NINL: variants seen among roughly 807,000 people sequenced by gnomAD.
NINL encodes ninein-like protein.
Under a neutral mutation model 160.3 loss-of-function variants are expected in NINL, and 153 were observed. The observed-to-expected ratio is 0.95, with a 90% CI of 0.84 to 1.09. NINL has a LOEUF of 1.09. Ranked by LOEUF, NINL falls within the 50% of genes least tolerant of loss-of-function variation. The pLI is 0.00. For synonymous variants in NINL, 800 were observed against 734.8 expected (o/e 1.09, Z -1.43); for missense variants, 1,829 against 1,764.0 (o/e 1.04, Z -0.66).
At chr20:25,468,089 A>C (rs891964690) in intron 18 of NINL, among the ~76,000 whole-genome samples, 3 of 152,118 alleles carry the variant, frequency 2.0e-5, no homozygotes, top group African/African-American at 7.2e-5. Context: ...AAAAAGGCCA[A>C]ACAATTGTCC....
chr20:25,460,091 C>T (rs543649611), intron 21 of NINL, among the ~76,000 whole-genome samples: 1 of 152,280 alleles, frequency 6.6e-6, no homozygotes, highest in East Asian at 1.9e-4. Context: ...AGCTCCTCTA[C>T]GAGGCCCCAT....
intron 1 of NINL, among the ~76,000 whole-genome samples, chr20:25,575,864 A>G (rs1364000676): frequency 1.3e-5 from 2 of 151,760 alleles, no homozygotes; most frequent in Non-Finnish European, 2.9e-5. Context: ...TACCACAACC[A>G]TTTTGTCATT....
In NINL at chr20:25,479,100, T is replaced by A. The variant is rs772725476; in HGVS notation, c.2024A>T (p.Gln675Leu). 2 of 1,613,728 alleles carry A rather than the reference T, an allele frequency of 1.2e-6. No individual in the cohort carries two copies. Among genetic ancestry groups the A allele is most frequent in the South Asian group, 1.1e-5 (1 of 91,090 alleles). ...RRREVSVLEG[Q>L]KADLEELHEK... ...GTGGAGCTCCTCCAGGTCGGCCTTCTGACCCTCCAGCACGCTGACCTCGCG... is the reference window on the plus strand; with the variant it reads ...GTGGAGCTCCTCCAGGTCGGCCTTCAGACCCTCCAGCACGCTGACCTCGCG... The change falls in exon 16 of 24, where the codon CAG becomes CTG. Residue 675 changes from glutamine to leucine, a missense_variant. Transcript: ENST00000278886.
chr20:25,582,221 C>T (rs1173207353), intron 1 of NINL, among the ~76,000 whole-genome samples: 1 of 152,154 alleles, frequency 6.6e-6, no homozygotes, highest in Non-Finnish European at 1.5e-5. Context: ...CGCCACTGCA[C>T]TCCAGCCTGG....
chr20:25,517,659 G>T, intron 3 of NINL, 94 bp downstream of exon 3: 1 of 960,300 alleles, frequency 1.0e-6, no homozygotes, highest in Non-Finnish European at 1.5e-6. Flanking sequence ...GTAGAATTCA[G>T]TTTTCAGAAC....
At chr20:25,470,165 CA>C in intron 17 of NINL, 70 bp from the exon 18 acceptor site, 1 of 1,239,484 alleles carries the variant, frequency 8.1e-7, no homozygotes, top group African/African-American at 1.5e-5. Flanking sequence ...GCTGGCTCTG[CA>C]GCGGGGAGTC....
At chr20:25,499,196 G>C (rs1022041469) in intron 8 of NINL, 7 of 985,368 alleles carry the variant, frequency 7.1e-6, no homozygotes, top group Non-Finnish European at 8.4e-6. Flanking sequence ...TGGCATCTTG[G>C]GAGAGGCTGG....
intron 22 of NINL, 67 bp downstream of exon 22, chr20:25,458,316 G>A (rs6138575): frequency 0.44 from 690,663 of 1,583,338 alleles, 159,281 homozygotes; most frequent in East Asian, 0.91. Context: ...GGGTAACTGA[G>A]GACCGGTGGG....
intron 11 of NINL, 58 bp from the exon 12 acceptor site, chr20:25,490,043 A>AGGATGGAGGTG (rs1173694052): frequency 1.3e-5 from 19 of 1,454,320 alleles, no homozygotes; most frequent in Non-Finnish European, 1.7e-5. Context: ...GGATGTGTGC[A>AGGATGGAGGTG]GGATGGAGGT....
intron 8 of NINL, chr20:25,499,074 A>C: frequency 2.0e-6 from 2 of 985,450 alleles, no homozygotes; most frequent in Non-Finnish European, 2.4e-6. Context: ...GGCGGCAGGC[A>C]CCATGGCAGG....
At chr20:25,467,562 A>G (rs1405145781) in intron 18 of NINL, 104 bp from the exon 19 acceptor site, 2 of 852,918 alleles carry the variant, frequency 2.3e-6, no homozygotes. Flanking sequence ...TTGTAGCCAC[A>G]GCAGAGACGC....
rs140584951 is a variant in NINL, at chr20:25,476,043, C to T, written c.3248G>A (p.Arg1083Lys). Reference protein sequence around the residue: ...EKHVDLRENDRLEFHRLSEEN... With the variant: ...EKHVDLRENDKLEFHRLSEEN... ...TTTTAAGAATGAGTAGAAGGCAAAC[C>T]TGTCGTTCTCTCTCAAATCTACATG... Residue 1083 changes from arginine to lysine, a missense_variant and splice_region_variant, in exon 17 of 24, where the codon AGA (arginine) becomes AAA (lysine). By Grantham distance (26) the Arg-to-Lys change is conservative. Transcript: ENST00000278886. 6.8e-6 allele frequency: 11 copies of T among 1,612,084 alleles called. No homozygotes were observed. In the African/African-American group the frequency reaches 1.5e-4, roughly 22 times the overall value.
intron 2 of NINL, among the ~76,000 whole-genome samples, chr20:25,525,497 T>C (rs1459837017): frequency 2.0e-5 from 3 of 151,426 alleles, no homozygotes; most frequent in Non-Finnish European, 2.9e-5. Context: ...ACAAAAAAAA[T>C]ACAAAAATTA....
chr20:25,575,763 AC>A (rs2065108461), intron 1 of NINL, among the ~76,000 whole-genome samples: 1 of 105,090 alleles, frequency 9.5e-6, no homozygotes, highest in African/African-American at 4.1e-5. Flanking sequence ...ACACAAAACA[AC>A]AAAAAAAAAA....
intron 1 of NINL, among the ~76,000 whole-genome samples, chr20:25,578,516 G>T (rs2065140480): frequency 6.6e-6 from 1 of 152,078 alleles, no homozygotes; most frequent in Non-Finnish European, 1.5e-5. Flanking sequence ...TTGATTAGCT[G>T]GGCGCAGTGG....
At chr20:25,554,469 T>A (rs1362756285) in intron 1 of NINL, among the ~76,000 whole-genome samples, 2 of 151,992 alleles carry the variant, frequency 1.3e-5, no homozygotes, top group Non-Finnish European at 2.9e-5. Context: ...TACTGGAGTT[T>A]AAGGATCACA....
Position 25,452,753 on chromosome 20 carries a change from G to C in NINL, c.*698C>G, listed in dbSNP as rs768298217. The stretch of plus-strand genomic sequence containing the variant: ...TACAGTGACTTTTTATATTACAGTA[G>C]TACATTCCAATCAGCCATATGGCCA... On this transcript the variant is annotated 3_prime_UTR_variant, in exon 24 of 24. Coordinates refer to ENST00000278886, the MANE Select transcript of NINL (RefSeq NM_025176.6). 11 of 151,226 alleles carry C rather than the reference G, an allele frequency of 7.3e-5. No homozygotes were observed. Among genetic ancestry groups the C allele is most frequent in the Non-Finnish European group, 8.8e-5 (6 of 67,898 alleles). The allele number at this position is 151,226 out of a possible 1,614,324, so 9.4% of individuals were successfully genotyped here.
chr20:25,488,919 A>T, intron 13 of NINL: 1 of 296,216 alleles, frequency 3.4e-6, no homozygotes, highest in Middle Eastern at 1.0e-3. Context: ...AGTTTCATTC[A>T]CTGCGTCCAC....
At chr20:25,506,859 A>T (rs1174586228) in intron 5 of NINL, among the ~76,000 whole-genome samples, 2 of 152,200 alleles carry the variant, frequency 1.3e-5, no homozygotes, top group African/African-American at 2.4e-5. Flanking sequence ...ATCTCATGTT[A>T]CTTCTGCCCC....
Sources: gnomAD v4.1 joint callset for allele counts (sites outside exome capture counted in the v4.1 genomes callset) on GRCh38, gnomAD v4.1.1 for gene constraint, MANE v1.5 for transcripts, NCBI Gene and HGNC (gene_info 2026-07-23, HGNC 2026-07-21) for gene names.